Variants in RLN2 observed in about 807,000 individuals in gnomAD.
RLN2 encodes prorelaxin H2.
Under a neutral mutation model 7.3 loss-of-function variants are expected in RLN2, and 10 were observed. The ratio of observed to expected loss-of-function variants is 1.36; its 90% confidence interval spans 0.84 to 2.31. RLN2 has a LOEUF of 2.31. Among genes scored for constraint, RLN2 ranks in the 30% most tolerant of loss-of-function variants. RLN2 has a pLI of 0.00. For synonymous variants in RLN2, 103 were observed against 82.3 expected, an observed-to-expected ratio of 1.25 and a Z score of -1.36; for missense variants, 298 against 217.6, an observed-to-expected ratio of 1.37 and a Z score of -2.32.
At chr9:5,312,721 G>GA in the RLN2 span, among the ~76,000 whole-genome samples, 5,094 of 143,656 alleles carry the variant, frequency 0.035, 246 homozygotes, top group African/African-American at 0.1. Context: ...AGTTTGCTTG[G>GA]AAAAAAAAAA....
the RLN2 span, among the ~76,000 whole-genome samples, chr9:5,327,792 A>C: frequency 6.6e-6 from 1 of 152,196 alleles, no homozygotes; most frequent in Admixed American, 6.5e-5. Context: ...GACTTCTGGC[A>C]AACTCCAACA....
At chr9:5,327,317 G>C in the RLN2 span, among the ~76,000 whole-genome samples, 85 of 152,092 alleles carry the variant, frequency 5.6e-4, 3 homozygotes, top group East Asian at 0.013. Flanking sequence ...GAGATCGACC[G>C]GCTACGCAGC....
the RLN2 span, among the ~76,000 whole-genome samples, chr9:5,323,876 G>C: frequency 1.7e-4 from 26 of 151,864 alleles, 2 homozygotes; most frequent in Admixed American, 1.2e-3. Context: ...GCTAAACTGC[G>C]TGTCTACTAA....
At chr9:5,314,467 T>A in the RLN2 span, among the ~76,000 whole-genome samples, 3 of 151,932 alleles carry the variant, frequency 2.0e-5, no homozygotes, top group African/African-American at 7.3e-5. Flanking sequence ...CATTCCTGAA[T>A]GGAAGCAGCA....
At chr9:5,311,421 T>G in the RLN2 span, 1 of 540,750 alleles carries the variant, frequency 1.8e-6, no homozygotes, top group Non-Finnish European at 3.3e-6. Context: ...GAATACAATT[T>G]TTAAGTACAT....
chr9:5,306,894 T>C (rs974521492), upstream of RLN2, among the ~76,000 whole-genome samples: 6 of 152,208 alleles, frequency 3.9e-5, no homozygotes, highest in South Asian at 8.3e-4. Context: ...AGTAGCAGTG[T>C]CTATGTGACA....
At chr9:5,327,770 G>A in the RLN2 span, among the ~76,000 whole-genome samples, 1 of 152,040 alleles carries the variant, frequency 6.6e-6, no homozygotes, top group Non-Finnish European at 1.5e-5. Flanking sequence ...CAGGCAAATA[G>A]GTTCTAGAGT....
the RLN2 span, among the ~76,000 whole-genome samples, chr9:5,324,082 C>T: frequency 1.3e-5 from 2 of 151,796 alleles, no homozygotes; most frequent in South Asian, 2.1e-4. Context: ...GATGTAATTC[C>T]AATCAGCTCT....
chr9:5,305,569 T>C (rs1347113362), upstream of RLN2, among the ~76,000 whole-genome samples: 1 of 151,750 alleles, frequency 6.6e-6, no homozygotes, highest in Admixed American at 6.6e-5. Context: ...TCATTTAATT[T>C]AACTTTCTAA....
In RLN2 at chr9:5,304,397, C is replaced by T; in HGVS notation, c.184G>A (p.Ala62Thr). ...GCCACTGGTCTAGGTGTCTGAGGAG[C>T]ATCTTCCTGGCTCAGAGACCTTTTG... ...WSKRSLSQED[A>T]PQTPRPVAEI... The change falls in exon 1 of 2, where the codon GCT (alanine) becomes ACT (threonine). Residue 62 changes from alanine to threonine, a missense_variant. Physicochemically the swap from Ala to Thr is moderately conservative, Grantham distance 58 (BLOSUM62 0). Coordinates refer to ENST00000381627, the MANE Select transcript of RLN2 (RefSeq NM_134441.3). The T allele has an allele frequency of 6.2e-7, 1 of 1,606,746 alleles. No homozygotes were observed. The highest frequency in any genetic ancestry group is 8.5e-7 in the Non-Finnish European group (1 of 1,177,390).
At chr9:5,311,780 T>A in the RLN2 span, 448 of 754,710 alleles carry the variant, frequency 5.9e-4, 4 homozygotes, top group African/African-American at 6.7e-3. Context: ...ATGATTTTTT[T>A]ATCAAGTTTT....
At chr9:5,308,877 T>A (rs1489894967), upstream of RLN2, among the ~76,000 whole-genome samples, 1 of 152,096 alleles carries the variant, frequency 6.6e-6, no homozygotes, top group African/African-American at 2.4e-5. Context: ...TCACATCCTT[T>A]CGTGGTAACC....
At chr9:5,323,249 G>C in the RLN2 span, among the ~76,000 whole-genome samples, 4 of 151,608 alleles carry the variant, frequency 2.6e-5, no homozygotes, top group African/African-American at 9.7e-5. Context: ...TATTTTGGTG[G>C]GACTCCTGTG....
chr9:5,318,396 G>T, the RLN2 span, among the ~76,000 whole-genome samples: 8 of 151,824 alleles, frequency 5.3e-5, no homozygotes, highest in African/African-American at 1.7e-4. Flanking sequence ...CCTCTTGGTG[G>T]TTTTTTTCTA....
At chr9:5,330,658 A>G in the RLN2 span, among the ~76,000 whole-genome samples, 11 of 149,932 alleles carry the variant, frequency 7.3e-5, no homozygotes, top group Non-Finnish European at 1.6e-4. Flanking sequence ...AAAAAAAAGA[A>G]AAAAGAAGAA....
chr9:5,335,408 C>T, the RLN2 span: 62 of 1,613,456 alleles, frequency 3.8e-5, no homozygotes, highest in African/African-American at 5.2e-4. Context: ...TTGCCTATTG[C>T]GAATAAGTTT....
chr9:5,329,604 G>C, the RLN2 span, among the ~76,000 whole-genome samples: 2 of 149,312 alleles, frequency 1.3e-5, no homozygotes, highest in Non-Finnish European at 3.0e-5. Flanking sequence ...TGCAGGAGTT[G>C]CAATCCTAGT....
At chr9:5,328,120 A>C in the RLN2 span, among the ~76,000 whole-genome samples, 8 of 151,978 alleles carry the variant, frequency 5.3e-5, no homozygotes, top group African/African-American at 1.7e-4. Flanking sequence ...CTCCTAGCTA[A>C]AGGAGCATGT....
chr9:5,306,594 A>T (rs1161847143), upstream of RLN2, among the ~76,000 whole-genome samples: 2 of 152,054 alleles, frequency 1.3e-5, no homozygotes, highest in Non-Finnish European at 2.9e-5. Context: ...CTTTACAGGC[A>T]CAACTAAAAG....
Sources: allele counts gnomAD v4.1 joint callset (sites outside exome capture counted in the v4.1 genomes callset), GRCh38; gene constraint gnomAD v4.1.1; transcripts MANE v1.5; gene names NCBI Gene and HGNC (gene_info 2026-07-23, HGNC 2026-07-21).